The following GLMN variants were observed in gnomAD, a reference collection of about 807,000 sequenced individuals.
GLMN encodes the protein glomulin.
In GLMN, 75 loss-of-function variants were observed where a neutral mutation model predicts 87.8. That is an observed-to-expected ratio of 0.85 (90% confidence interval 0.71 to 1.04). GLMN has a LOEUF of 1.04. Ranked by LOEUF, GLMN falls within the 50% of genes least tolerant of loss-of-function variation. The probability of loss-of-function intolerance (pLI) is 0.00; values close to 1 mark genes in which losing one functional copy is unlikely to be tolerated. For synonymous variants in GLMN, 206 were observed against 221.6 expected (o/e 0.93, Z 0.63); for missense variants, 588 against 658.8 (o/e 0.89, Z 1.18).
the GLMN span, among the ~76,000 whole-genome samples, chr1:92,326,903 T>G: frequency 6.6e-6 from 1 of 152,230 alleles, no homozygotes; most frequent in African/African-American, 2.4e-5. Context: ...CAAGTAGGGC[T>G]TTCACATCTC....
the GLMN span, chr1:92,336,325 A>C: frequency 6.4e-7 from 1 of 1,561,044 alleles, no homozygotes. Context: ...TTTTAAAATA[A>C]ATGTAATTTT....
intron 7 of GLMN, among the ~76,000 whole-genome samples, chr1:92,276,901 T>C (rs1475188664): frequency 6.6e-6 from 1 of 152,156 alleles, no homozygotes; most frequent in Non-Finnish European, 1.5e-5. Flanking sequence ...TGCTAGATTA[T>C]TTTTAGTACT....
intron 7 of GLMN, among the ~76,000 whole-genome samples, chr1:92,283,791 T>C (rs1648383131): frequency 6.6e-6 from 1 of 152,126 alleles, no homozygotes; most frequent in Non-Finnish European, 1.5e-5. Context: ...ACAAAATCAA[T>C]GTGCAAAAAT....
intron 7 of GLMN, among the ~76,000 whole-genome samples, chr1:92,275,399 T>A (rs1647206810): frequency 6.6e-6 from 1 of 152,236 alleles, no homozygotes; most frequent in African/African-American, 2.4e-5. Context: ...CTTGATACTA[T>A]GTCCAGCCAT....
chr1:92,333,751 A>G, the GLMN span, among the ~76,000 whole-genome samples: 1,354 of 152,324 alleles, frequency 8.9e-3, 10 homozygotes, highest in Non-Finnish European at 0.016. Flanking sequence ...TAATCAGTGA[A>G]GTCAGGGAAA....
intron 14 of GLMN, among the ~76,000 whole-genome samples, chr1:92,264,276 G>A (rs1380835088): frequency 6.6e-6 from 1 of 152,028 alleles, no homozygotes; most frequent in Non-Finnish European, 1.5e-5. Flanking sequence ...TCATGCCACT[G>A]CACTCCAAGC....
the GLMN span, chr1:92,323,968 T>G: frequency 1.2e-6 from 2 of 1,614,128 alleles, no homozygotes; most frequent in South Asian, 2.2e-5. Context: ...AGTGTCTAGG[T>G]CAGTGTCTAG....
chr1:92,307,786 A>C, the GLMN span, among the ~76,000 whole-genome samples: 1 of 151,818 alleles, frequency 6.6e-6, no homozygotes, highest in Non-Finnish European at 1.5e-5. Flanking sequence ...TTGGGAAATG[A>C]TTTAAATACT....
At chr1:92,290,346 T>C in intron 4 of GLMN, 40 bp from the exon 5 acceptor site, 1 of 1,169,886 alleles carries the variant, frequency 8.5e-7, no homozygotes, top group Non-Finnish European at 1.3e-6. Context: ...TAATACAAGT[T>C]GTATTTAAAG....
the GLMN span, among the ~76,000 whole-genome samples, chr1:92,343,055 G>A: frequency 6.6e-6 from 1 of 152,158 alleles, no homozygotes; most frequent in Non-Finnish European, 1.5e-5. Flanking sequence ...TCGTAAGATT[G>A]GATAACATCA....
chr1:92,276,935 A>G (rs1233330768), intron 7 of GLMN, among the ~76,000 whole-genome samples: 2 of 152,158 alleles, frequency 1.3e-5, no homozygotes, highest in African/African-American at 2.4e-5. Flanking sequence ...GTAAATTTTT[A>G]CAATACATTT....
At chr1:92,335,069 C>T in the GLMN span, among the ~76,000 whole-genome samples, 12 of 152,168 alleles carry the variant, frequency 7.9e-5, no homozygotes, top group South Asian at 1.2e-3. Context: ...CGCTTGAGCA[C>T]GAGAGTTTGA....
chr1:92,273,610 A>ATT (rs959828963), intron 7 of GLMN, among the ~76,000 whole-genome samples: 1 of 147,398 alleles, frequency 6.8e-6, no homozygotes, highest in Non-Finnish European at 1.5e-5. Context: ...CATGCCCGCT[A>ATT]TTTTTTTTTT....
chr1:92,301,619 T>A, upstream of GLMN: 1 of 964,210 alleles, frequency 1.0e-6, no homozygotes, highest in Non-Finnish European at 1.5e-6. Flanking sequence ...AATTATTAGT[T>A]TTGTAGTATA....
At chr1:92,320,503 C>G in the GLMN span, 1 of 899,406 alleles carries the variant, frequency 1.1e-6, no homozygotes. Flanking sequence ...AATCTCCTGA[C>G]CTCGAGATCC....
the GLMN span, among the ~76,000 whole-genome samples, chr1:92,344,384 G>A: frequency 6.6e-6 from 1 of 152,164 alleles, no homozygotes; most frequent in East Asian, 1.9e-4. Context: ...CAGCCTGGGT[G>A]ACAGAGCAAG....
chr1:92,303,254 CT>C (rs1650987543), upstream of GLMN, among the ~76,000 whole-genome samples: 1 of 152,174 alleles, frequency 6.6e-6, no homozygotes, highest in African/African-American at 2.4e-5. Flanking sequence ...GCATCAGAAT[CT>C]GCATATTTGA....
At chr1:92,357,799 T>G in the GLMN span, among the ~76,000 whole-genome samples, 1 of 152,266 alleles carries the variant, frequency 6.6e-6, no homozygotes, top group Non-Finnish European at 1.5e-5. Flanking sequence ...CCCAAAGTGT[T>G]GGGATTACAG....
rs1203222275 is a variant in GLMN at position 92,294,853 on chromosome 1, AT to A, written c.165+2550del. 7.9e-5 allele frequency among the ~76,000 whole-genome samples: 12 copies of A among 152,192 alleles called. No homozygotes were observed. In the East Asian group the frequency reaches 2.3e-3, roughly 29 times the overall value. ...ACCATCACGCCCAGCTAATTTTTGC[AT>A]TTTTAGTGGAGACAGGGTTTCACCA... On this transcript the variant is annotated intron_variant, in intron 3 of 18. Transcript: ENST00000370360.
Sources: allele counts gnomAD v4.1 joint callset (sites outside exome capture counted in the v4.1 genomes callset), GRCh38; gene constraint gnomAD v4.1.1; transcripts MANE v1.5; gene names NCBI Gene and HGNC (gene_info 2026-07-23, HGNC 2026-07-21).